The following FOXK1 variants were observed in gnomAD, a reference collection of about 807,000 sequenced individuals.
FOXK1 encodes forkhead box K1.
A neutral mutation model predicts 51.9 loss-of-function variants in FOXK1; 19 were observed. The ratio of observed to expected loss-of-function variants is 0.37; its 90% CI spans 0.26 to 0.54. FOXK1 has a LOEUF of 0.54. Ranked by LOEUF, FOXK1 falls within the 20% of genes least tolerant of loss-of-function variation. The pLI, the probability that FOXK1 is intolerant of heterozygous loss-of-function variation, is 0.87. For missense variants in FOXK1, 870 were observed against 1,032.7 expected (o/e 0.84, Z 2.16); for synonymous variants, 537 against 482.6 (o/e 1.11, Z -1.48).
rs552372558 is a variant in FOXK1 at position 4,710,529 on chromosome 7, C to T, written c.560+27661C>T. 1.7e-4 allele frequency among the ~76,000 whole-genome samples: 26 copies of T among 152,272 alleles called. No homozygotes were observed. In the South Asian group the frequency reaches 3.3e-3, roughly 19 times the overall value. ...GGTGGAGGTTGCAGTGAGCCTCAATCGCGCCACTGCACTCCAGCTTGGGCA... is the reference window on the plus strand; with the variant it reads ...GGTGGAGGTTGCAGTGAGCCTCAATTGCGCCACTGCACTCCAGCTTGGGCA... On this transcript the variant is annotated intron_variant, in intron 1 of 8. Transcript: ENST00000328914.
At chr7:4,705,552 T>TCTCTCTCTCGCTCTCGCTCTCG (rs1780076728) in intron 1 of FOXK1, among the ~76,000 whole-genome samples, 12 of 143,578 alleles carry the variant, frequency 8.4e-5, no homozygotes, top group Admixed American at 1.4e-4. Context: ...TCTCTCTCTC[T>TCTCTCTCTCGCTCTCGCTCTCG]CTCTCTCGCT....
chr7:4,745,298 C>T lies in FOXK1; in HGVS notation c.746+4275C>T, dbSNP rs1780688127. Among the ~76,000 whole-genome samples the T allele has an allele frequency of 6.6e-6, 1 of 152,282 alleles. No homozygotes were observed. The highest frequency in any genetic ancestry group is 1.9e-4 in the East Asian group (1 of 5,160). On this transcript the variant is annotated intron_variant, in intron 2 of 8. Coordinates refer to ENST00000328914, the MANE Select transcript of FOXK1 (RefSeq NM_001037165.2). The surrounding 1 kb of genome is among the most constrained non-coding windows in gnomAD (Gnocchi z 4.3). ...GGTGTAGGCCGGGCTCGCCCAGGGC[C>T]CCTCATTCCCAGGAGTCGGGAGTGG...
Position 4,709,518 on chromosome 7 carries a change from C to T in FOXK1, c.560+26650C>T, listed in dbSNP as rs1780147829. ...CGCGACCCCTGCTGGCAGATCGAGG[C>T]TGGCCCGTGACCGGGGCAGGCGGAC... On this transcript the variant is annotated intron_variant, in intron 1 of 8. Coordinates refer to ENST00000328914, the MANE Select transcript of FOXK1 (RefSeq NM_001037165.2). This position sits in a 1 kb window ranked among gnomAD's most constrained non-coding sequence, Gnocchi z 5.6. 6.6e-6 allele frequency among the ~76,000 whole-genome samples: 1 copy of T among 152,206 alleles called. No homozygotes were observed. The highest frequency in any genetic ancestry group is 1.5e-5 in the Non-Finnish European group (1 of 68,042).
At chr7:4,725,563 G>C (rs775214141) in intron 1 of FOXK1, among the ~76,000 whole-genome samples, 2 of 152,252 alleles carry the variant, frequency 1.3e-5, no homozygotes, top group African/African-American at 4.8e-5. Flanking sequence ...TTGTGCGGCC[G>C]GGCCCCTCCG....
Position 4,703,950 on chromosome 7 carries a change from A to T in FOXK1, c.560+21082A>T, listed in dbSNP as rs1408848312. On this transcript the variant is annotated intron_variant, in intron 1 of 8. Coordinates refer to ENST00000328914, the MANE Select transcript of FOXK1 (RefSeq NM_001037165.2). This position sits in a 1 kb window ranked among gnomAD's most constrained non-coding sequence, Gnocchi z 5.6. ...CAGAAAACCAAACCTGGTGGGAAAA[A>T]ATGCGTGTATACGTACCCCTACGTG... 6.6e-6 allele frequency among the ~76,000 whole-genome samples: 1 copy of T among 152,136 alleles called. No individual in the cohort carries two copies. The highest frequency in any genetic ancestry group is 1.5e-5 in the Non-Finnish European group (1 of 68,004).
At chr7:4,701,968 G>A (rs993805671) in intron 1 of FOXK1, among the ~76,000 whole-genome samples, 3 of 152,136 alleles carry the variant, frequency 2.0e-5, no homozygotes, top group African/African-American at 7.2e-5. Flanking sequence ...GCAGCTACTT[G>A]GGAGGCTGAG....
At chr7:4,702,349 T>C (rs929942197) in intron 1 of FOXK1, among the ~76,000 whole-genome samples, 70 of 152,132 alleles carry the variant, frequency 4.6e-4, no homozygotes, top group Non-Finnish European at 2.6e-4. Context: ...TTTTTATTTA[T>C]TTATTTTTTT....
At position 4,709,342 on chromosome 7, in the gene FOXK1, T is replaced by C. The variant is rs562959240; in HGVS notation, c.560+26474T>C. Among the ~76,000 whole-genome samples the C allele has an allele frequency of 6.6e-6, 1 of 152,324 alleles. No individual in the cohort carries two copies. Among genetic ancestry groups the C allele is most frequent in the East Asian group, 1.9e-4 (1 of 5,172 alleles). ...GCCGCCTACTGTGCCTCCTTCCCAGTGTCACGTTGCTGCGTCCACGAGCCT... is the reference window on the plus strand; with the variant it reads ...GCCGCCTACTGTGCCTCCTTCCCAGCGTCACGTTGCTGCGTCCACGAGCCT... On this transcript the variant is annotated intron_variant, in intron 1 of 8. Coordinates refer to ENST00000328914, the MANE Select transcript of FOXK1 (RefSeq NM_001037165.2). This position sits in a 1 kb window ranked among gnomAD's most constrained non-coding sequence, Gnocchi z 5.6.
At position 4,729,537 on chromosome 7, in the gene FOXK1, G is replaced by A. The variant is rs1015549803; in HGVS notation, c.561-11301G>A. Among the ~76,000 whole-genome samples the A allele has an allele frequency of 1.3e-5, 2 of 152,304 alleles. No homozygotes were observed. The highest frequency in any genetic ancestry group is 2.4e-5 in the African/African-American group (1 of 41,574). Reference sequence around the variant, plus strand: ...GGGGTGCTCAGGACTGCCGGGCCCCGGGAGCCCCACCCGGCAGGACACACA... The same window carrying A: ...GGGGTGCTCAGGACTGCCGGGCCCCAGGAGCCCCACCCGGCAGGACACACA... On this transcript the variant is annotated intron_variant, in intron 1 of 8. Transcript: ENST00000328914. The surrounding 1 kb of genome is among the most constrained non-coding windows in gnomAD (Gnocchi z 6.2).
chr7:4,726,190 G>T (rs1780379155), intron 1 of FOXK1, among the ~76,000 whole-genome samples: 1 of 152,120 alleles, frequency 6.6e-6, no homozygotes, highest in Admixed American at 6.6e-5. Context: ...TGAGGGACAG[G>T]AGGCTTCCGT....
chr7:4,759,000 C>T lies in FOXK1; in HGVS notation c.1245-51C>T, dbSNP rs755788875. 1.3e-6 allele frequency: 2 copies of T among 1,521,530 alleles called. No individual in the cohort carries two copies. The highest frequency in any genetic ancestry group is 2.6e-5 in the South Asian group (2 of 77,968). 94.3% of individuals were successfully genotyped at this position (1,521,530 alleles called of 1,614,324 possible). ...ATGCGTGATGTCTCGGAAACGTCCT[C>T]GCATCCCTCAGCGCGGGCGCTGACT... is the stretch of plus-strand genomic sequence containing the variant. On this transcript the variant is annotated intron_variant, in intron 5 of 8. Transcript: ENST00000328914. The surrounding 1 kb of genome is among the most constrained non-coding windows in gnomAD (Gnocchi z 4.4).
chr7:4,743,783 C>T lies in FOXK1; in HGVS notation c.746+2760C>T, dbSNP rs1213358085. ...GTCCAGAGAGAAGCAGGCCAGGCAGCGATCCGGGGCTCCTGAGGAAGGGCT... is the reference window on the plus strand; with the variant it reads ...GTCCAGAGAGAAGCAGGCCAGGCAGTGATCCGGGGCTCCTGAGGAAGGGCT... On this transcript the variant is annotated intron_variant, in intron 2 of 8. Coordinates refer to ENST00000328914, the MANE Select transcript of FOXK1 (RefSeq NM_001037165.2). This position sits in a 1 kb window ranked among gnomAD's most constrained non-coding sequence, Gnocchi z 5.3. 1.3e-5 allele frequency among the ~76,000 whole-genome samples: 2 copies of T among 152,030 alleles called. No individual in the cohort carries two copies. The highest frequency in any genetic ancestry group is 1.9e-4 in the East Asian group (1 of 5,182).
intron 1 of FOXK1, among the ~76,000 whole-genome samples, chr7:4,710,958 G>A (rs1251630731): frequency 6.6e-6 from 1 of 152,172 alleles, no homozygotes; most frequent in Non-Finnish European, 1.5e-5. Flanking sequence ...CGCATTACCT[G>A]TCGACACCGT....
rs964738872 is a variant in FOXK1, at chr7:4,770,664, A to T, written c.*8200A>T. 3 of 152,184 alleles carry T rather than the reference A, an allele frequency of 2.0e-5. No homozygotes were observed. Among genetic ancestry groups the T allele is most frequent in the African/African-American group, 4.8e-5 (2 of 41,430 alleles). 9.4% of individuals were successfully genotyped at this position (152,184 alleles called of 1,614,324 possible). On this transcript the variant is annotated 3_prime_UTR_variant, in exon 9 of 9. Transcript: ENST00000328914. ...GGAAAAGGGGGGCGGGAGGAGAGACAACAGCCGTGTTCCAGAGTCTGTCCT... is the reference window on the plus strand; with the variant it reads ...GGAAAAGGGGGGCGGGAGGAGAGACTACAGCCGTGTTCCAGAGTCTGTCCT...
At position 4,761,782 on chromosome 7, in the gene FOXK1, G is replaced by A. The variant is rs1371393390; in HGVS notation, c.1922-402G>A. Among the ~76,000 whole-genome samples the A allele has an allele frequency of 6.6e-6, 1 of 152,208 alleles. No individual in the cohort carries two copies. The highest frequency in any genetic ancestry group is 2.4e-5 in the African/African-American group (1 of 41,446). Reference sequence around the variant, plus strand: ...CTCTGGAGCTCACACTCCATGGGGTGAGGCAAGAGGTCAAAGGAAGGAGGA... The same window carrying A: ...CTCTGGAGCTCACACTCCATGGGGTAAGGCAAGAGGTCAAAGGAAGGAGGA... On this transcript the variant is annotated intron_variant, in intron 8 of 8. Transcript: ENST00000328914. This position sits in a 1 kb window ranked among gnomAD's most constrained non-coding sequence, Gnocchi z 6.2.
intron 6 of FOXK1, 22 bp downstream of exon 6, chr7:4,759,239 TGCGGGGCGGG>T: frequency 7.6e-7 from 1 of 1,318,314 alleles, no homozygotes; most frequent in Non-Finnish European, 1.0e-6. Context: ...GCGGCCCTCT[TGCGGGGCGGG>T]GCGGGGCGGG....
Position 4,754,505 on chromosome 7 carries a change from A to G in FOXK1, c.793A>G (p.Ser265Gly), listed in dbSNP as rs1780817302. Residue 265 changes from serine (S) to glycine (G), a missense_variant, in exon 3 of 9, where the codon AGT becomes GGT. Coordinates refer to ENST00000328914, the MANE Select transcript of FOXK1 (RefSeq NM_001037165.2). ...PASPRGAGSSSYRFVQNVTSD... is the reference protein window; with the variant it reads ...PASPRGAGSSGYRFVQNVTSD... ...CAGTCCACGCGGTGCCGGCTCCTCC[A>G]GTTACCGCTTTGTGCAGAACGTGAC... 1.9e-6 allele frequency: 3 copies of G among 1,613,024 alleles called. No homozygotes were observed. Among genetic ancestry groups the G allele is most frequent in the Admixed American group, 1.7e-5 (1 of 60,014 alleles).
Position 4,745,835 on chromosome 7 carries a change from A to G in FOXK1, c.746+4812A>G, listed in dbSNP as rs948363510. The stretch of plus-strand genomic sequence containing the variant: ...AACCTAGGAGGCAGAGGTTGCAGTG[A>G]ACCAAGATTGCACCACTCCAGACTG... On this transcript the variant is annotated intron_variant, in intron 2 of 8. Transcript: ENST00000328914. The surrounding 1 kb of genome is among the most constrained non-coding windows in gnomAD (Gnocchi z 4.3). Among the ~76,000 whole-genome samples the G allele has an allele frequency of 6.6e-6, 1 of 152,134 alleles. No homozygotes were observed. The highest frequency in any genetic ancestry group is 1.5e-5 in the Non-Finnish European group (1 of 68,024).
chr7:4,727,731 C>T (rs761082604), intron 1 of FOXK1, among the ~76,000 whole-genome samples: 2 of 152,248 alleles, frequency 1.3e-5, no homozygotes, highest in South Asian at 2.1e-4. Context: ...CGTCACTCCT[C>T]GATGTCACAT....
Sources: gnomAD v4.1 joint callset for allele counts (sites outside exome capture counted in the v4.1 genomes callset) on GRCh38, gnomAD v4.1.1 for gene constraint, Gnocchi (gnomAD v3.1) non-coding constraint, MANE v1.5 for transcripts, NCBI Gene and HGNC (gene_info 2026-07-23, HGNC 2026-07-21) for gene names.